Variants in CNTNAP1 observed in about 807,000 individuals in gnomAD.
CNTNAP1 encodes contactin-associated protein 1.
Under a neutral mutation model 161.5 loss-of-function variants are expected in CNTNAP1, and 80 were observed. The observed-to-expected ratio is 0.50, with a 90% CI of 0.41 to 0.60. The LOEUF (loss-of-function observed/expected upper bound fraction) is 0.60, where lower values mean the gene tolerates loss of function less well. CNTNAP1 is among the 20% of genes least tolerant of loss of function. The pLI is 0.00. For missense variants in CNTNAP1, 1,464 were observed against 1,854.8 expected, an observed-to-expected ratio of 0.79 and a Z score of 3.87; for synonymous variants, 695 against 733.1, an observed-to-expected ratio of 0.95 and a Z score of 0.84.
chr17:42,686,191 G>A (rs1567970296), intron 6 of CNTNAP1, 50 bp downstream of exon 6: 3 of 1,573,986 alleles, frequency 1.9e-6, no homozygotes, highest in Admixed American at 1.7e-5. Flanking sequence ...TGCTGGATGA[G>A]TGAGTGCAGG....
chr17:42,697,659 T>A lies in CNTNAP1; in HGVS notation c.3674T>A (p.Phe1225Tyr), dbSNP rs1368358679. Residue 1225 changes from phenylalanine (F) to tyrosine (Y), a missense_variant, in exon 22 of 24, where the codon TTC becomes TAC. This residue lies in a region of CNTNAP1 where 1,383 missense variants were observed against 1,765.0 expected (regional missense o/e 0.78). Transcript: ENST00000264638. ...FNNVAPLKTHFRTPRPMTAEL... is the reference protein window; with the variant it reads ...FNNVAPLKTHYRTPRPMTAEL... ...AACGTGGCTCCCCTCAAGACCCACT[T>A]CCGAACCCCTCGACCCATGACTGCT... The A allele has an allele frequency of 1.2e-6, 2 of 1,613,994 alleles. No individual in the cohort carries two copies. Among genetic ancestry groups the A allele is most frequent in the Non-Finnish European group, 8.5e-7 (1 of 1,180,030 alleles).
chr17:42,699,211 T>C lies in CNTNAP1; in HGVS notation c.*301T>C. The C allele has an allele frequency of 3.1e-6, 1 of 326,150 alleles. No individual in the cohort carries two copies. Among genetic ancestry groups the C allele is most frequent in the Non-Finnish European group, 5.6e-6 (1 of 179,700 alleles). 20.2% of individuals were successfully genotyped at this position (326,150 alleles called of 1,614,324 possible). ...CATAGGTCCTTTCTGCCATCTCTGT[T>C]CCAGCTGCTGTCAGGGATTAACAAC... On this transcript the variant is annotated 3_prime_UTR_variant, in exon 24 of 24. Coordinates refer to ENST00000264638, the MANE Select transcript of CNTNAP1 (RefSeq NM_003632.3).
At position 42,687,029 on chromosome 17, in the gene CNTNAP1, T is replaced by G; in HGVS notation, c.1027T>G (p.Ser343Ala). 6.2e-7 allele frequency: 1 copy of G among 1,613,216 alleles called. No individual in the cohort carries two copies. The highest frequency in any genetic ancestry group is 8.5e-7 in the Non-Finnish European group (1 of 1,179,380). The change falls in exon 7 of 24, where the codon TCC (serine) becomes GCC (alanine). Residue 343 changes from serine to alanine, a missense_variant. Ser to Ala is a moderately conservative substitution (Grantham distance 99). Coordinates refer to ENST00000264638, the MANE Select transcript of CNTNAP1 (RefSeq NM_003632.3). This position sits in a 1 kb window ranked among gnomAD's most constrained non-coding sequence, Gnocchi z 4.7. ...NIADLAVRRH[S>A]RITFEGKVAF... The stretch of plus-strand genomic sequence containing the variant: ...CGCAGACCTGGCCGTGCGGCGCCAT[T>G]CCCGGATCACCTTCGAGGCCAGTGG...
In CNTNAP1 at chr17:42,685,439, T is replaced by C; in HGVS notation, c.715+19T>C. The stretch of plus-strand genomic sequence containing the variant: ...AGCCTGGGTGAGCTCGGCGACCATG[T>C]GCGATGCGGAGCCAACCCCTGAAGC... On this transcript the variant is annotated intron_variant, in intron 5 of 23. Coordinates refer to ENST00000264638, the MANE Select transcript of CNTNAP1 (RefSeq NM_003632.3). The surrounding 1 kb of genome is among the most constrained non-coding windows in gnomAD (Gnocchi z 5.0). 1 of 1,593,988 alleles carries C rather than the reference T, an allele frequency of 6.3e-7. No homozygotes were observed. Among genetic ancestry groups the C allele is most frequent in the Non-Finnish European group, 8.5e-7 (1 of 1,176,122 alleles).
chr17:42,686,467 C>CTGT (rs1567970430), intron 6 of CNTNAP1, among the ~76,000 whole-genome samples: 11 of 61,762 alleles, frequency 1.8e-4, no homozygotes, highest in African/African-American at 8.2e-4. Context: ...AGAAAAAGGC[C>CTGT]TGTTTTTTTT....
At position 42,687,927 on chromosome 17, in the gene CNTNAP1, CAGGTCA is replaced by C; in HGVS notation, c.1254_1259del (p.Gln418_Asn420delinsHis). The C allele has an allele frequency of 6.2e-7, 1 of 1,614,204 alleles. No homozygotes were observed. The highest frequency in any genetic ancestry group is 8.5e-7 in the Non-Finnish European group (1 of 1,180,050). ...CGTGGAGCTGACGCTCAGCGAAGGG[CAGGTCA>C]ACGTGTCCATCGCGCAGAGCGGCCG... On this transcript the variant is annotated inframe_deletion, in exon 8 of 24. Transcript: ENST00000264638. The surrounding 1 kb of genome is among the most constrained non-coding windows in gnomAD (Gnocchi z 4.7).
intron 3 of CNTNAP1, 66 bp downstream of exon 3, chr17:42,684,295 C>G: frequency 6.7e-7 from 1 of 1,496,090 alleles, no homozygotes; most frequent in Non-Finnish European, 9.1e-7. Flanking sequence ...GGGCCGGGCA[C>G]CAGCCTCTGG....
Position 42,687,541 on chromosome 17 carries a change from G to C in CNTNAP1, c.1045-179G>C, listed in dbSNP as rs2053032913. The C allele has an allele frequency of 2.5e-6, 2 of 789,744 alleles. No homozygotes were observed. The highest frequency in any genetic ancestry group is 5.7e-5 in the Admixed American group (2 of 35,358). The allele number at this position is 789,744 out of a possible 1,614,324, so 48.9% of individuals were successfully genotyped here. A position where few individuals can be genotyped will look rare whatever the true frequency, so the allele number is the denominator to read the frequency against. On this transcript the variant is annotated intron_variant, in intron 7 of 23. Transcript: ENST00000264638. The surrounding 1 kb of genome is among the most constrained non-coding windows in gnomAD (Gnocchi z 4.7). The stretch of plus-strand genomic sequence containing the variant: ...AGTTCCGAGGGCCGACTGGGTTGGG[G>C]CCCCCTCCACAGATGGACGAGCTTG...
rs984082646 is a variant in CNTNAP1, at chr17:42,699,438, C to A, written c.*528C>A. ...GGGCTTGATGGCTGTCCCCTGCCCC[C>A]CTCCTTTTGTTTTGTACACAGAGAC... On this transcript the variant is annotated 3_prime_UTR_variant, in exon 24 of 24. Coordinates refer to ENST00000264638, the MANE Select transcript of CNTNAP1 (RefSeq NM_003632.3). 6.5e-6 allele frequency: 1 copy of A among 153,248 alleles called. No homozygotes were observed. Among genetic ancestry groups the A allele is most frequent in the South Asian group, 2.1e-4 (1 of 4,830 alleles). The allele number at this position is 153,248 out of a possible 1,614,324, so 9.5% of individuals were successfully genotyped here.
At chr17:42,689,418 G>A in intron 10 of CNTNAP1, 103 bp from the exon 11 acceptor site, 1 of 903,404 alleles carries the variant, frequency 1.1e-6, no homozygotes, top group South Asian at 1.6e-5. Flanking sequence ...TGTCTCACCG[G>A]GTTCTGGGGC....
In CNTNAP1 at chr17:42,698,681, A is replaced by G; in HGVS notation, c.3926A>G (p.His1309Arg). The change falls in exon 24 of 24, where the codon CAT (histidine) becomes CGT (arginine). Residue 1309 changes from histidine to arginine, a missense_variant. His to Arg is a conservative substitution (Grantham distance 29). This residue lies in a region of CNTNAP1 where 1,383 missense variants were observed against 1,765.0 expected (regional missense o/e 0.78). Coordinates refer to ENST00000264638, the MANE Select transcript of CNTNAP1 (RefSeq NM_003632.3). ...TTGGTGCTCTTCTATCTGCAAAATC[A>G]TCGCTATAAGGGCTCCTACCATACC... ...GMLVLFYLQN[H>R]RYKGSYHTNE... The G allele has an allele frequency of 6.2e-7, 1 of 1,611,628 alleles. No homozygotes were observed. Among genetic ancestry groups the G allele is most frequent in the Non-Finnish European group, 8.5e-7 (1 of 1,178,402 alleles).
At position 42,687,709 on chromosome 17, in the gene CNTNAP1, T is replaced by G; in HGVS notation, c.1045-11T>G. On this transcript the variant is annotated splice_polypyrimidine_tract_variant and intron_variant, in intron 7 of 23. Coordinates refer to ENST00000264638, the MANE Select transcript of CNTNAP1 (RefSeq NM_003632.3). The surrounding 1 kb of genome is among the most constrained non-coding windows in gnomAD (Gnocchi z 4.7). ...TCACGGGTGTTGATGCGTCTTCACT[T>G]TTGCCCCTAGGGTAAGGTGGCTTTT... 4.3e-6 allele frequency: 7 copies of G among 1,613,180 alleles called. No homozygotes were observed. The highest frequency in any genetic ancestry group is 5.9e-6 in the Non-Finnish European group (7 of 1,179,296).
chr17:42,688,931 T>A lies in CNTNAP1; in HGVS notation c.1512T>A (p.His504Gln). 6.2e-7 allele frequency: 1 copy of A among 1,614,114 alleles called. No homozygotes were observed. Among genetic ancestry groups the A allele is most frequent in the Non-Finnish European group, 8.5e-7 (1 of 1,180,002 alleles). Reference sequence around the variant, plus strand: ...GCCACTCCAACCAGACGGCATTCCATGGCTGCATGGAGCTGCTCAAGGTGG... The same window carrying A: ...GCCACTCCAACCAGACGGCATTCCAAGGCTGCATGGAGCTGCTCAAGGTGG... ...WDCHSNQTAF[H>Q]GCMELLKVDG... The change falls in exon 10 of 24, where the codon CAT becomes CAA. Residue 504 changes from histidine (H) to glutamine (Q), a missense_variant. Physicochemically the swap from His to Gln is conservative, Grantham distance 24. Around this residue, in one of 3 missense-constraint regions of CNTNAP1, gnomAD observed 1,383 missense variants for 1,765.0 expected, o/e 0.78. Coordinates refer to ENST00000264638, the MANE Select transcript of CNTNAP1 (RefSeq NM_003632.3).
At position 42,693,520 on chromosome 17, in the gene CNTNAP1, G is replaced by C. The variant is rs748180512; in HGVS notation, c.2976G>C (p.Gly992=). 1.2e-6 allele frequency: 2 copies of C among 1,613,470 alleles called. No individual in the cohort carries two copies. The highest frequency in any genetic ancestry group is 1.7e-6 in the Non-Finnish European group (2 of 1,179,370). ...TCDCDLTAFD[G]PYCNHDIGGF... Reference sequence around the variant, plus strand: ...ACTGTGACCTCACGGCTTTTGATGGGCCATACTGCAACCACGGTAAGTGCT... The same window carrying C: ...ACTGTGACCTCACGGCTTTTGATGGCCCATACTGCAACCACGGTAAGTGCT... Residue 992 remains glycine, a synonymous_variant, in exon 18 of 24, where the codon GGG becomes GGC. Transcript: ENST00000264638.
In CNTNAP1 at chr17:42,688,871, T is replaced by C; in HGVS notation, c.1457-5T>C. On this transcript the variant is annotated splice_polypyrimidine_tract_variant and splice_region_variant and intron_variant, in intron 9 of 23. Coordinates refer to ENST00000264638, the MANE Select transcript of CNTNAP1 (RefSeq NM_003632.3). ...GGGAGGATCTCACAGGGGTGGTTGCTCCAGGTTGTCCCAAGCCAGCCAGTC... is the reference window on the plus strand; with the variant it reads ...GGGAGGATCTCACAGGGGTGGTTGCCCCAGGTTGTCCCAAGCCAGCCAGTC... The C allele has an allele frequency of 1.2e-6, 2 of 1,613,772 alleles. No homozygotes were observed. Among genetic ancestry groups the C allele is most frequent in the Non-Finnish European group, 1.7e-6 (2 of 1,179,896 alleles).
chr17:42,691,089 G>C lies in CNTNAP1; in HGVS notation c.2060-48G>C. The C allele has an allele frequency of 6.2e-7, 1 of 1,606,656 alleles. No homozygotes were observed. Among genetic ancestry groups the C allele is most frequent in the Non-Finnish European group, 8.5e-7 (1 of 1,176,482 alleles). On this transcript the variant is annotated intron_variant, in intron 13 of 23. Coordinates refer to ENST00000264638, the MANE Select transcript of CNTNAP1 (RefSeq NM_003632.3). This position sits in a 1 kb window ranked among gnomAD's most constrained non-coding sequence, Gnocchi z 4.3. ...GCTGGAAGGGCGAGAGGAGCCCAGA[G>C]GCTAATGGAGGGACAGGGCCTGGAA...
rs1165004797 is a variant in CNTNAP1 at position 42,682,584 on chromosome 17, AAG to A, written c.-243_-242del. The stretch of plus-strand genomic sequence containing the variant: ...CTGGGGAAGGGGGGAGGTGAGAGGA[AAG>A]AGGGTGGAAAGGAGAGGATAGAGAG... On this transcript the variant is annotated 5_prime_UTR_variant, in exon 1 of 24. Transcript: ENST00000264638. 30 of 517,350 alleles carry A rather than the reference AAG, an allele frequency of 5.8e-5. No individual in the cohort carries two copies. Among genetic ancestry groups the A allele is most frequent in the Non-Finnish European group, 8.9e-5 (26 of 290,884 alleles). 32.0% of individuals were successfully genotyped at this position (517,350 alleles called of 1,614,324 possible). A position where few individuals can be genotyped will look rare whatever the true frequency, so the allele number is the denominator to read the frequency against.
At position 42,699,671 on chromosome 17, in the gene CNTNAP1, C is replaced by T. The variant is rs1321368933; in HGVS notation, c.*761C>T. The T allele has an allele frequency of 3.3e-5, 5 of 152,764 alleles. No individual in the cohort carries two copies. The highest frequency in any genetic ancestry group is 7.2e-5 in the African/African-American group (3 of 41,432). 9.5% of individuals were successfully genotyped at this position (152,764 alleles called of 1,614,324 possible). Reference sequence around the variant, plus strand: ...AGTGCATGAGGAACCCTCTTTCCTCCGCTCAGAGATGCTGCTTCATTTACC... The same window carrying T: ...AGTGCATGAGGAACCCTCTTTCCTCTGCTCAGAGATGCTGCTTCATTTACC... On this transcript the variant is annotated 3_prime_UTR_variant, in exon 24 of 24. Transcript: ENST00000264638.
At chr17:42,696,327 T>A (rs2053151751) in intron 20 of CNTNAP1, among the ~76,000 whole-genome samples, 175 bp downstream of exon 20, 1 of 147,202 alleles carries the variant, frequency 6.8e-6, no homozygotes, top group Non-Finnish European at 1.5e-5. Flanking sequence ...AATAGGCATT[T>A]TTTTTTTTTT....
Sources: allele counts gnomAD v4.1 joint callset (sites outside exome capture counted in the v4.1 genomes callset), GRCh38; gene constraint gnomAD v4.1.1; regional missense constraint gnomAD v4.1.1; non-coding constraint Gnocchi (gnomAD v3.1); transcripts MANE v1.5; gene names NCBI Gene and HGNC (gene_info 2026-07-23, HGNC 2026-07-21).